Variants in SIPA1L3 observed in about 807,000 individuals in gnomAD.
The protein encoded by SIPA1L3 is signal induced proliferation associated 1 like 3.
Under a neutral mutation model 150.1 loss-of-function variants are expected in SIPA1L3, and 59 were observed. The observed-to-expected ratio is 0.39, with a 90% CI of 0.32 to 0.49. The LOEUF is 0.49. SIPA1L3 is among the 20% of genes least tolerant of loss of function. The pLI, the probability that SIPA1L3 is intolerant of heterozygous loss-of-function variation, is 0.86. For missense variants in SIPA1L3, 2,211 were observed against 2,489.5 expected (o/e 0.89, Z 2.38); for synonymous variants, 1,070 against 1,077.6 (o/e 0.99, Z 0.14).
intron 16 of SIPA1L3, among the ~76,000 whole-genome samples, chr19:38,190,953 G>A (rs975422439): frequency 4.6e-5 from 7 of 152,320 alleles, no homozygotes; most frequent in East Asian, 3.9e-4. Flanking sequence ...TGGCAGTGGC[G>A]TGGGTAGGCA....
intron 1 of SIPA1L3, among the ~76,000 whole-genome samples, chr19:37,947,265 G>A (rs199603397): frequency 6.6e-6 from 1 of 151,724 alleles, no homozygotes; most frequent in African/African-American, 2.4e-5. Context: ...CGAGGCGGGC[G>A]GATCACAAGG....
At position 38,046,271 on chromosome 19, in the gene SIPA1L3, C is replaced by T. The variant is rs1234367960; in HGVS notation, c.-311+17115C>T. 1.3e-5 allele frequency among the ~76,000 whole-genome samples: 2 copies of T among 152,156 alleles called. No homozygotes were observed. The highest frequency in any genetic ancestry group is 2.9e-5 in the Non-Finnish European group (2 of 68,022). On this transcript the variant is annotated intron_variant, in intron 2 of 21. Transcript: ENST00000222345. The surrounding 1 kb of genome is among the most constrained non-coding windows in gnomAD (Gnocchi z 5.6). Reference sequence around the variant, plus strand: ...ACAGCAGCCCCGCCTCCTCCATAGACCTCCAGGCCTCTCAAAAGGGACCCC... The same window carrying T: ...ACAGCAGCCCCGCCTCCTCCATAGATCTCCAGGCCTCTCAAAAGGGACCCC...
intron 1 of SIPA1L3, among the ~76,000 whole-genome samples, chr19:37,917,380 C>T (rs960112900): frequency 6.6e-6 from 1 of 152,146 alleles, no homozygotes; most frequent in African/African-American, 2.4e-5. Flanking sequence ...TGATGAAAAG[C>T]AGGTTTATCA....
intron 1 of SIPA1L3, among the ~76,000 whole-genome samples, chr19:38,027,372 C>A (rs773250176): frequency 2.0e-5 from 3 of 152,098 alleles, no homozygotes; most frequent in Admixed American, 6.5e-5. Flanking sequence ...AGGTTAAGAA[C>A]CCCCTTGGGC....
intron 10 of SIPA1L3, among the ~76,000 whole-genome samples, chr19:38,139,009 A>C (rs1049010471): frequency 6.6e-6 from 1 of 151,982 alleles, no homozygotes; most frequent in Admixed American, 6.6e-5. Context: ...CAGCCTGGGC[A>C]ACATGGTGAA....
intron 3 of SIPA1L3, among the ~76,000 whole-genome samples, chr19:38,085,425 A>G (rs1204594678): frequency 6.7e-6 from 1 of 148,726 alleles, no homozygotes; most frequent in Non-Finnish European, 1.5e-5. Flanking sequence ...GCTTGCAGTG[A>G]GCCGAGATCG....
intron 1 of SIPA1L3, among the ~76,000 whole-genome samples, chr19:37,945,238 T>C (rs946571981): frequency 3.3e-5 from 5 of 151,722 alleles, no homozygotes; most frequent in Non-Finnish European, 7.4e-5. Context: ...ATGTCTTAGG[T>C]TGTTTTTTTT....
chr19:38,082,491 A>T lies in SIPA1L3; in HGVS notation c.926A>T (p.Lys309Ile). ...ATCTTTCGGAAGCTAAGGAGCAGCA[A>T]ACCCGAGGGGGAGGCTGGGCGTTCC... The part of the protein sequence containing the change: ...SSIFRKLRSS[K>I]PEGEAGRSPG... Residue 309 changes from lysine (K) to isoleucine (I), a missense_variant, in exon 3 of 22, where the codon AAA becomes ATA. By Grantham distance (102) the Lys-to-Ile change is moderately radical (BLOSUM62 -3). This residue lies in a region of SIPA1L3 where 587 missense variants were observed against 534.5 expected (regional missense o/e 1.10). Coordinates refer to ENST00000222345, the MANE Select transcript of SIPA1L3 (RefSeq NM_015073.3). 1.9e-6 allele frequency: 3 copies of T among 1,594,116 alleles called. No homozygotes were observed. Among genetic ancestry groups the T allele is most frequent in the Non-Finnish European group, 1.7e-6 (2 of 1,169,724 alleles).
intron 2 of SIPA1L3, among the ~76,000 whole-genome samples, chr19:38,050,177 T>C (rs527680978): frequency 8.3e-4 from 126 of 152,350 alleles, no homozygotes; most frequent in African/African-American, 3.0e-3. Context: ...CAGTGCTGGC[T>C]GGGCATGGTG....
chr19:37,938,862 A>G (rs1203965543), intron 1 of SIPA1L3, among the ~76,000 whole-genome samples: 1 of 151,988 alleles, frequency 6.6e-6, no homozygotes, highest in East Asian at 1.9e-4. Context: ...AGCTCAGGTG[A>G]TCCGCCTTTC....
intron 1 of SIPA1L3, among the ~76,000 whole-genome samples, chr19:38,004,101 G>T (rs1054535784): frequency 6.6e-6 from 1 of 152,180 alleles, no homozygotes; most frequent in African/African-American, 2.4e-5. Flanking sequence ...TTGCTAACGT[G>T]TTGAGAATTT....
chr19:38,075,451 G>T (rs149497710), intron 2 of SIPA1L3, among the ~76,000 whole-genome samples: 1 of 150,218 alleles, frequency 6.7e-6, no homozygotes, highest in Non-Finnish European at 1.5e-5. Context: ...GTGATGCTCC[G>T]TCTCAGAAAA....
At chr19:38,071,226 T>TATCTATCC (rs1463909649) in intron 2 of SIPA1L3, among the ~76,000 whole-genome samples, 5 of 151,492 alleles carry the variant, frequency 3.3e-5, no homozygotes, top group Non-Finnish European at 7.4e-5. Flanking sequence ...TCTATCTATC[T>TATCTATCC]ATCTATCTAT....
In SIPA1L3 at chr19:38,083,118, G is replaced by A; in HGVS notation, c.1534+19G>A. The A allele has an allele frequency of 1.9e-6, 3 of 1,596,476 alleles. No individual in the cohort carries two copies. Among genetic ancestry groups the A allele is most frequent in the Non-Finnish European group, 2.6e-6 (3 of 1,173,604 alleles). ...GGCAAAGGTGACGGATGGCGTGTGGGTGGGAAGGTTGGGTGGGCCGAGGCT... is the reference window on the plus strand; with the variant it reads ...GGCAAAGGTGACGGATGGCGTGTGGATGGGAAGGTTGGGTGGGCCGAGGCT... On this transcript the variant is annotated intron_variant, in intron 3 of 21. Coordinates refer to ENST00000222345, the MANE Select transcript of SIPA1L3 (RefSeq NM_015073.3).
chr19:38,182,375 G>T, intron 15 of SIPA1L3, 144 bp from the exon 16 acceptor site: 1 of 674,306 alleles, frequency 1.5e-6, no homozygotes, highest in East Asian at 2.6e-5. Flanking sequence ...CTATACTGTT[G>T]GAATTTTCCA....
chr19:38,136,371 A>C (rs922999299), intron 10 of SIPA1L3, among the ~76,000 whole-genome samples: 3 of 151,806 alleles, frequency 2.0e-5, no homozygotes, highest in Admixed American at 2.0e-4. Context: ...TGGGAGGCCG[A>C]GGGAGGCGGA....
chr19:37,958,680 A>G (rs1035887257), intron 1 of SIPA1L3, among the ~76,000 whole-genome samples: 27 of 152,346 alleles, frequency 1.8e-4, no homozygotes, highest in African/African-American at 6.5e-4. Context: ...GAAGAAAAAA[A>G]TAGACACATT....
At chr19:38,078,864 A>G (rs1969914685) in intron 2 of SIPA1L3, among the ~76,000 whole-genome samples, 1 of 152,130 alleles carries the variant, frequency 6.6e-6, no homozygotes, top group South Asian at 2.1e-4. Flanking sequence ...CTTCCTCTCC[A>G]GCAGGATTTT....
intron 10 of SIPA1L3, among the ~76,000 whole-genome samples, chr19:38,132,445 G>A (rs993736536): frequency 5.3e-5 from 8 of 151,534 alleles, no homozygotes; most frequent in African/African-American, 1.4e-4. Flanking sequence ...TTAGCTGGGC[G>A]TGGTGGCGCA....
Sources: gnomAD v4.1 joint callset for allele counts (sites outside exome capture counted in the v4.1 genomes callset) on GRCh38, gnomAD v4.1.1 for gene constraint, gnomAD v4.1.1 regional missense constraint, Gnocchi (gnomAD v3.1) non-coding constraint, MANE v1.5 for transcripts, NCBI Gene and HGNC (gene_info 2026-07-23, HGNC 2026-07-21) for gene names.